Variants in PAPLN observed in about 807,000 individuals in gnomAD.
PAPLN encodes papilin.
PAPLN carries 146 observed loss-of-function variants against 159.0 expected under a neutral mutation model. That is an observed-to-expected ratio of 0.92 (90% confidence interval 0.80 to 1.05). The LOEUF (loss-of-function observed/expected upper bound fraction) is 1.05. Among genes scored for constraint, PAPLN ranks in the 50% least tolerant of loss-of-function variants. PAPLN has a pLI of 0.00. For missense variants in PAPLN, 1,720 were observed against 1,743.9 expected, an observed-to-expected ratio of 0.99 and a Z score of 0.24; for synonymous variants, 734 against 702.9, an observed-to-expected ratio of 1.04 and a Z score of -0.70.
At chr14:73,262,249 G>A (rs177387) in intron 18 of PAPLN, 101 bp from the exon 19 acceptor site, 606,099 of 1,169,230 alleles carry the variant, frequency 0.52, 161,436 homozygotes, top group African/African-American at 0.66. Flanking sequence ...TGCTTTATAA[G>A]TGGGGAAGGG....
rs760586250 is a variant in PAPLN, at chr14:73,264,255, A to G, written c.2906A>G (p.Gln969Arg). The G allele has an allele frequency of 4.0e-5, 65 of 1,613,852 alleles. No homozygotes were observed. The highest frequency in any genetic ancestry group is 1.0e-4 in the Admixed American group (6 of 60,000). ...GGATCCCTGATCATCCACCCCCTGC[A>G]GGCAGAGGACGCGGGCACCTACAGC... is the stretch of plus-strand genomic sequence containing the variant. ...FDGSLIIHPL[Q>R]AEDAGTYSCG... The change falls in exon 21 of 27, where the codon CAG (glutamine) becomes CGG (arginine). Residue 969 changes from glutamine to arginine, a missense_variant. By Grantham distance (43) the Gln-to-Arg change is conservative. Coordinates refer to ENST00000644200, the MANE Select transcript of PAPLN (RefSeq NM_001365906.3).
rs770321031 is a variant in PAPLN, at chr14:73,253,277, G to A, written c.1095-477G>A. On this transcript the variant is annotated intron_variant, in intron 11 of 26. Transcript: ENST00000644200. ...GCAGGGCTGGTGCCACCCTGTCACCGCTTGGCCTTGGTGGCAGCGGGCCTC... is the reference window on the plus strand; with the variant it reads ...GCAGGGCTGGTGCCACCCTGTCACCACTTGGCCTTGGTGGCAGCGGGCCTC... 3.8e-4 allele frequency: 505 copies of A among 1,340,232 alleles called. 1 individual carries two copies. The highest frequency in any genetic ancestry group is 4.7e-4 in the Non-Finnish European group (473 of 1,013,078). The allele number at this position is 1,340,232 out of a possible 1,614,324, so 83.0% of individuals were successfully genotyped here.
chr14:73,266,916 C>T, intron 25 of PAPLN, 85 bp downstream of exon 25: 2 of 1,271,050 alleles, frequency 1.6e-6, no homozygotes, highest in Non-Finnish European at 2.2e-6. Flanking sequence ...AGGGATGTCA[C>T]TGTCACCACT....
In PAPLN at chr14:73,250,013, C is replaced by T. The variant is rs201596815; in HGVS notation, c.364C>T (p.Pro122Ser). The T allele has an allele frequency of 1.1e-5, 18 of 1,612,104 alleles. No individual in the cohort carries two copies. Among genetic ancestry groups the T allele is most frequent in the East Asian group, 2.2e-5 (1 of 44,776 alleles). The change falls in exon 6 of 27, where the codon CCC becomes TCC. Residue 122 changes from proline to serine, a missense_variant. By Grantham distance (74) the Pro-to-Ser change is moderately conservative. Coordinates refer to ENST00000644200, the MANE Select transcript of PAPLN (RefSeq NM_001365906.3). ...AAACAAGTGTGAACTGAACTGCATT[C>T]CCAAGGGGGAGAACTTCTACTACAA... Reference protein sequence around the residue: ...APNKCELNCIPKGENFYYKHR... With the variant: ...APNKCELNCISKGENFYYKHR...
rs767179436 is a variant in PAPLN at position 73,263,794 on chromosome 14, T to TC, written c.2861+18dup. ...ATCTCCTCTGACAGGTGGGTGAGAG[T>TC]CCCCCCACCTCCTCTGACAGGTGTG... On this transcript the variant is annotated intron_variant, in intron 20 of 26. Coordinates refer to ENST00000644200, the MANE Select transcript of PAPLN (RefSeq NM_001365906.3). 6 of 1,586,062 alleles carry TC rather than the reference T, an allele frequency of 3.8e-6. No homozygotes were observed. Among genetic ancestry groups the TC allele is most frequent in the Admixed American group, 3.4e-5 (2 of 58,730 alleles).
At chr14:73,261,368 G>A (rs1019135268) in intron 18 of PAPLN, 74 bp downstream of exon 18, 162 of 1,537,450 alleles carry the variant, frequency 1.1e-4, no homozygotes, top group Non-Finnish European at 1.0e-5. Flanking sequence ...CCCCACCCAG[G>A]ACCAAAGACC....
upstream of PAPLN, among the ~76,000 whole-genome samples, chr14:73,237,224 G>A (rs1883085860): frequency 1.3e-5 from 2 of 152,192 alleles, no homozygotes; most frequent in Admixed American, 1.3e-4. Context: ...GGAGCGGATA[G>A]GGCAAAGCTA....
At chr14:73,270,461 A>G (rs1453388788) in intron 26 of PAPLN, among the ~76,000 whole-genome samples, 3 of 152,204 alleles carry the variant, frequency 2.0e-5, no homozygotes, top group Non-Finnish European at 4.4e-5. Flanking sequence ...ACCCAGCTAC[A>G]AAAGCCGCGA....
Position 73,252,110 on chromosome 14 carries a change from A to G in PAPLN, c.936A>G (p.Ser312=). 1 of 1,610,004 alleles carries G rather than the reference A, an allele frequency of 6.2e-7. No individual in the cohort carries two copies. The highest frequency in any genetic ancestry group is 8.5e-7 in the Non-Finnish European group (1 of 1,178,420). ...CCGGCTTCAGCTGGAGCCACGGCTC[A>G]TGGAGTGACTGCAGCGCGGAGTGTG... ...PSPGFSWSHG[S]WSDCSAECGG... is the part of the protein sequence containing the mutation. The change falls in exon 10 of 27, where the codon TCA becomes TCG. Residue 312 remains serine (S), a synonymous_variant. Transcript: ENST00000644200.
At chr14:73,241,014 G>A (rs368716022) in intron 2 of PAPLN, among the ~76,000 whole-genome samples, 5 of 141,096 alleles carry the variant, frequency 3.5e-5, no homozygotes, top group Admixed American at 6.9e-5. Context: ...TGGGGAGGTC[G>A]GGGGGGGGAT....
intron 4 of PAPLN, 33 bp from the exon 5 acceptor site, chr14:73,246,040 C>G: frequency 1.3e-6 from 2 of 1,512,752 alleles, no homozygotes; most frequent in Non-Finnish European, 1.8e-6. Context: ...GGACTCCGCC[C>G]TCCTGGATCC....
At chr14:73,249,324 C>T (rs550106140) in intron 5 of PAPLN, among the ~76,000 whole-genome samples, 1 of 152,318 alleles carries the variant, frequency 6.6e-6, no homozygotes, top group East Asian at 1.9e-4. Context: ...TCACAATCAT[C>T]ATTTGTAACT....
intron 2 of PAPLN, 57 bp downstream of exon 2, chr14:73,239,889 G>A (rs1035665127): frequency 1.3e-6 from 2 of 1,499,014 alleles, no homozygotes; most frequent in African/African-American, 1.4e-5. Context: ...CGGGGGCGGG[G>A]ACGCGCGGGC....
At chr14:73,238,900 C>A (rs1366536041) in intron 1 of PAPLN, among the ~76,000 whole-genome samples, 2 of 152,210 alleles carry the variant, frequency 1.3e-5, no homozygotes, top group Non-Finnish European at 2.9e-5. Context: ...CAAACCTGCA[C>A]GCTAGTACTT....
chr14:73,272,174 A>G (rs975166222), intron 26 of PAPLN: 1 of 217,796 alleles, frequency 4.6e-6, no homozygotes, highest in Non-Finnish European at 9.0e-6. Context: ...GGTCTCAAAC[A>G]TAAGGAGTTA....
Position 73,265,482 on chromosome 14 carries a change from G to GA in PAPLN, c.3239dup (p.Asp1080GlufsTer15). The GA allele has an allele frequency of 6.2e-7, 1 of 1,613,904 alleles. No individual in the cohort carries two copies. Among genetic ancestry groups the GA allele is most frequent in the Non-Finnish European group, 8.5e-7 (1 of 1,180,012 alleles). On this transcript the variant is annotated frameshift_variant, in exon 23 of 27. Transcript: ENST00000644200. LOFTEE classifies it high-confidence loss of function. The surrounding 1 kb of genome is among the most constrained non-coding windows in gnomAD (Gnocchi z 4.1). The stretch of plus-strand genomic sequence containing the variant: ...GCCCCCAGCCATCGAGTGGCAGAGA[G>GA]ATGGGCAGCCTGTCTCTTCTCCCAG...
chr14:73,260,602 C>T (rs1448552541), intron 16 of PAPLN, 107 bp from the exon 17 acceptor site: 1 of 1,332,158 alleles, frequency 7.5e-7, no homozygotes, highest in East Asian at 2.8e-5. Flanking sequence ...CCCCCCAGGT[C>T]CCCACCCTGT....
At chr14:73,241,432 A>C (rs1383825800) in intron 2 of PAPLN, among the ~76,000 whole-genome samples, 1 of 152,248 alleles carries the variant, frequency 6.6e-6, no homozygotes, top group Non-Finnish European at 1.5e-5. Flanking sequence ...AATAAGCCTT[A>C]GACTGCTCTA....
In PAPLN at chr14:73,251,648, G is replaced by T; in HGVS notation, c.671-16G>T. ...ACTGCTCCCTCTGGCTGACTGAGGCGGTCTCCTCTGCGCAGCTGTGAAGAA... is the reference window on the plus strand; with the variant it reads ...ACTGCTCCCTCTGGCTGACTGAGGCTGTCTCCTCTGCGCAGCTGTGAAGAA... On this transcript the variant is annotated splice_polypyrimidine_tract_variant and intron_variant, in intron 8 of 26. Transcript: ENST00000644200. The T allele has an allele frequency of 6.2e-7, 1 of 1,613,536 alleles. No individual in the cohort carries two copies. Among genetic ancestry groups the T allele is most frequent in the East Asian group, 2.2e-5 (1 of 44,876 alleles).
Sources: gnomAD v4.1 joint callset for allele counts (sites outside exome capture counted in the v4.1 genomes callset) on GRCh38, gnomAD v4.1.1 for gene constraint, Gnocchi (gnomAD v3.1) non-coding constraint, MANE v1.5 for transcripts, NCBI Gene and HGNC (gene_info 2026-07-23, HGNC 2026-07-21) for gene names.